Variants in C1orf74 observed in about 807,000 individuals in gnomAD.
C1orf74 encodes the protein chromosome 1 open reading frame 74.
C1orf74 carries 5 observed loss-of-function variants against 7.3 expected under a neutral mutation model. The ratio of observed to expected loss-of-function variants is 0.68; its 90% CI spans 0.36 to 1.44. The LOEUF (loss-of-function observed/expected upper bound fraction) is 1.44. Among genes scored for constraint, C1orf74 ranks in the 40% most tolerant of loss-of-function variants. C1orf74 has a pLI of 0.04. For missense variants in C1orf74, 291 were observed against 314.3 expected (o/e 0.93, Z 0.56); for synonymous variants, 121 against 132.5 (o/e 0.91, Z 0.59).
chr1:209,781,194 A>G lies in C1orf74; in HGVS notation c.*1631T>C. ...ACATTCCAGACAATGTAAGACAGTC[A>G]AAAGACAAACTCAAATCCCTGAGAA... On this transcript the variant is annotated 3_prime_UTR_variant, in exon 2 of 2. Coordinates refer to ENST00000294811, the MANE Select transcript of C1orf74 (RefSeq NM_152485.4). The G allele has an allele frequency of 1.8e-6, 1 of 546,442 alleles. No individual in the cohort carries two copies. The highest frequency in any genetic ancestry group is 3.4e-6 in the Non-Finnish European group (1 of 297,606). The allele number at this position is 546,442 out of a possible 1,614,324, so 33.8% of individuals were successfully genotyped here.
At position 209,782,997 on chromosome 1, in the gene C1orf74, T is replaced by TG; in HGVS notation, c.637dup (p.Gln213ProfsTer10). 6.2e-7 allele frequency: 1 copy of TG among 1,614,194 alleles called. No homozygotes were observed. Among genetic ancestry groups the TG allele is most frequent in the Non-Finnish European group, 8.5e-7 (1 of 1,180,032 alleles). ...AAAAGAATAGAGCAGGATTGGGGGT[T>TG]GACCTAGCAACCATGAGATCCGGGC... On this transcript the variant is annotated frameshift_variant, in exon 2 of 2. Coordinates refer to ENST00000294811, the MANE Select transcript of C1orf74 (RefSeq NM_152485.4). LOFTEE classifies it high-confidence loss of function.
rs2077813877 is a variant in C1orf74, at chr1:209,783,715, A to G, written c.-75-6T>C. On this transcript the variant is annotated splice_region_variant and splice_polypyrimidine_tract_variant and intron_variant, in intron 1 of 1. Coordinates refer to ENST00000294811, the MANE Select transcript of C1orf74 (RefSeq NM_152485.4). ...CCAGACACTTGAGGAGGGGCCTAGA[A>G]ACAAAGCAGGAGCAGGGAATTATTA... 2.6e-6 allele frequency: 3 copies of G among 1,175,486 alleles called. No homozygotes were observed. Among genetic ancestry groups the G allele is most frequent in the South Asian group, 3.0e-5 (2 of 66,856 alleles). The allele number at this position is 1,175,486 out of a possible 1,614,324, so 72.8% of individuals were successfully genotyped here.
chr1:209,781,308 G>T lies in C1orf74; in HGVS notation c.*1517C>A. ...CCCTGCCTGGGCTCTGTCCTAGACAGAAGTGACAGTGATGACTTTGGTGAT... is the reference window on the plus strand; with the variant it reads ...CCCTGCCTGGGCTCTGTCCTAGACATAAGTGACAGTGATGACTTTGGTGAT... On this transcript the variant is annotated 3_prime_UTR_variant, in exon 2 of 2. Coordinates refer to ENST00000294811, the MANE Select transcript of C1orf74 (RefSeq NM_152485.4). 1 of 1,466,806 alleles carries T rather than the reference G, an allele frequency of 6.8e-7. No homozygotes were observed. The highest frequency in any genetic ancestry group is 9.5e-7 in the Non-Finnish European group (1 of 1,048,438). 90.9% of individuals were successfully genotyped at this position (1,466,806 alleles called of 1,614,324 possible).
Position 209,779,356 on chromosome 1 carries a change from A to C in C1orf74, c.*3469T>G. 1 of 1,614,154 alleles carries C rather than the reference A, an allele frequency of 6.2e-7. No homozygotes were observed. The highest frequency in any genetic ancestry group is 8.5e-7 in the Non-Finnish European group (1 of 1,179,954). On this transcript the variant is annotated 3_prime_UTR_variant, in exon 2 of 2. Coordinates refer to ENST00000294811, the MANE Select transcript of C1orf74 (RefSeq NM_152485.4). ...ATCCTTACAGCTTCAAGAACAGGAGAAACTCTTAACAAAGAAAGGTCAGCA... is the reference window on the plus strand; with the variant it reads ...ATCCTTACAGCTTCAAGAACAGGAGCAACTCTTAACAAAGAAAGGTCAGCA...
At position 209,780,464 on chromosome 1, in the gene C1orf74, T is replaced by C. The variant is rs376989756; in HGVS notation, c.*2361A>G. ...ACTGTCACCAAGAATCTGGCTGCTT[T>C]TTTAGATCAGGCTTTGCCCGTGTGG... On this transcript the variant is annotated 3_prime_UTR_variant, in exon 2 of 2. Coordinates refer to ENST00000294811, the MANE Select transcript of C1orf74 (RefSeq NM_152485.4). The C allele has an allele frequency of 2.8e-5, 44 of 1,549,894 alleles. No individual in the cohort carries two copies. The highest frequency in any genetic ancestry group is 3.8e-5 in the Non-Finnish European group (44 of 1,142,966).
At position 209,780,475 on chromosome 1, in the gene C1orf74, G is replaced by GC. The variant is rs755215848; in HGVS notation, c.*2349dup. 1.5e-5 allele frequency: 24 copies of GC among 1,580,914 alleles called. No individual in the cohort carries two copies. In the East Asian group the frequency reaches 5.6e-4, roughly 37 times the overall value. ...GAATCTGGCTGCTTTTTTAGATCAG[G>GC]CTTTGCCCGTGTGGAGTCCAAAGTC... On this transcript the variant is annotated 3_prime_UTR_variant, in exon 2 of 2. Coordinates refer to ENST00000294811, the MANE Select transcript of C1orf74 (RefSeq NM_152485.4).
rs1333228017 is a variant in C1orf74 at position 209,781,679 on chromosome 1, A to C, written c.*1146T>G. 3.9e-6 allele frequency: 2 copies of C among 507,360 alleles called. No homozygotes were observed. Among genetic ancestry groups the C allele is most frequent in the African/African-American group, 3.8e-5 (2 of 51,986 alleles). The allele number at this position is 507,360 out of a possible 1,614,324, so 31.4% of individuals were successfully genotyped here. On this transcript the variant is annotated 3_prime_UTR_variant, in exon 2 of 2. Coordinates refer to ENST00000294811, the MANE Select transcript of C1orf74 (RefSeq NM_152485.4). ...AGAACTCTCAATGCCAGAAGGAAAG[A>C]CTTACTCTTAGCTAAAGTATGAAAG...
chr1:209,783,760 G>T, intron 1 of C1orf74, 51 bp from the exon 2 acceptor site: 1 of 782,548 alleles, frequency 1.3e-6, no homozygotes, highest in Non-Finnish European at 2.0e-6. Context: ...CTGTTAAATC[G>T]CGGTATCTTC....
Position 209,783,580 on chromosome 1 carries a change from C to A in C1orf74, c.55G>T (p.Ala19Ser). Residue 19 changes from alanine to serine, a missense_variant, in exon 2 of 2, where the codon GCT becomes TCT. Ala to Ser is a moderately conservative substitution (Grantham distance 99). Transcript: ENST00000294811. ...SPSPQLLVAAAQQTLGMGKRR... is the reference protein window; with the variant it reads ...SPSPQLLVAASQQTLGMGKRR... ...TTTCCCATGCCAAGGGTCTGCTGAG[C>A]AGCTGCCACCAGCAGCTGAGGGCTC... 2 of 1,611,552 alleles carry A rather than the reference C, an allele frequency of 1.2e-6. No homozygotes were observed. Among genetic ancestry groups the A allele is most frequent in the South Asian group, 1.1e-5 (1 of 90,824 alleles).
At position 209,781,257 on chromosome 1, in the gene C1orf74, G is replaced by GGCTGGGA; in HGVS notation, c.*1567_*1568insTCCCAGC. On this transcript the variant is annotated 3_prime_UTR_variant, in exon 2 of 2. Coordinates refer to ENST00000294811, the MANE Select transcript of C1orf74 (RefSeq NM_152485.4). ...GAAGATGGTGGTAAAAATTCCAAAT[G>GGCTGGGA]AGTGAAACTTACAAAGGGCAGTCTC... The GGCTGGGA allele has an allele frequency of 1.2e-6, 1 of 813,338 alleles. No individual in the cohort carries two copies. The highest frequency in any genetic ancestry group is 2.0e-6 in the Non-Finnish European group (1 of 490,100). The allele number at this position is 813,338 out of a possible 1,614,324, so 50.4% of individuals were successfully genotyped here. A position where few individuals can be genotyped will look rare whatever the true frequency, so the allele number is the denominator to read the frequency against.
rs1406788542 is a variant in C1orf74, at chr1:209,783,095, A to G, written c.540T>C (p.Pro180=). 2 of 1,614,108 alleles carry G rather than the reference A, an allele frequency of 1.2e-6. No homozygotes were observed. The highest frequency in any genetic ancestry group is 1.7e-5 in the Admixed American group (1 of 60,004). ...GGTTCAGGTGAAAGGTATAGGGAAC[A>G]GGATAGCCCAGGAGGATCCCAAATA... ...CTVFGILLGY[P]VPYTFHLNQG... is the part of the protein sequence containing the mutation. The change falls in exon 2 of 2, where the codon CCT becomes CCC. Residue 180 remains proline (P), a synonymous_variant. Transcript: ENST00000294811.
At position 209,781,408 on chromosome 1, in the gene C1orf74, C is replaced by G. The variant is rs576975985; in HGVS notation, c.*1417G>C. The G allele has an allele frequency of 6.8e-6, 11 of 1,613,808 alleles. No individual in the cohort carries two copies. In the South Asian group the frequency reaches 8.8e-5, roughly 13 times the overall value. On this transcript the variant is annotated 3_prime_UTR_variant, in exon 2 of 2. Transcript: ENST00000294811. ...CGAGTATCTCTCCTGCCTGCGTAAGCTGCAGCACTGTCGAGAAGAGCTGAA... is the reference window on the plus strand; with the variant it reads ...CGAGTATCTCTCCTGCCTGCGTAAGGTGCAGCACTGTCGAGAAGAGCTGAA...
rs1558034104 is a variant in C1orf74 at position 209,781,398 on chromosome 1, C to A, written c.*1427G>T. The A allele has an allele frequency of 1.2e-6, 2 of 1,613,742 alleles. No individual in the cohort carries two copies. Among genetic ancestry groups the A allele is most frequent in the Admixed American group, 1.7e-5 (1 of 60,016 alleles). ...ACCTCAGTGACGAGTATCTCTCCTG[C>A]CTGCGTAAGCTGCAGCACTGTCGAG... On this transcript the variant is annotated 3_prime_UTR_variant, in exon 2 of 2. Transcript: ENST00000294811.
In C1orf74 at chr1:209,781,818, T is replaced by G. The variant is rs2077787096; in HGVS notation, c.*1007A>C. 1.8e-6 allele frequency: 1 copy of G among 543,616 alleles called. No homozygotes were observed. Among genetic ancestry groups the G allele is most frequent in the Non-Finnish European group, 3.3e-6 (1 of 304,104 alleles). The allele number at this position is 543,616 out of a possible 1,614,324, so 33.7% of individuals were successfully genotyped here. On this transcript the variant is annotated 3_prime_UTR_variant, in exon 2 of 2. Coordinates refer to ENST00000294811, the MANE Select transcript of C1orf74 (RefSeq NM_152485.4). ...TGGGTTATTTTCCACCCTTCATTAT[T>G]CATATCAGTATTTATATATCTGGTC...
At position 209,782,975 on chromosome 1, in the gene C1orf74, A is replaced by G. The variant is rs748959163; in HGVS notation, c.660T>C (p.Ser220=). The G allele has an allele frequency of 1.9e-6, 3 of 1,614,222 alleles. No individual in the cohort carries two copies. The highest frequency in any genetic ancestry group is 2.5e-6 in the Non-Finnish European group (3 of 1,180,038). The change falls in exon 2 of 2, where the codon TCT becomes TCC. Residue 220 remains serine (S), a synonymous_variant. Coordinates refer to ENST00000294811, the MANE Select transcript of C1orf74 (RefSeq NM_152485.4). ...LLGQPPILLY[S]FSVPESLFPG... is the part of the protein sequence containing the mutation. ...GGAACAAACTCTCTGGGACACTAAA[A>G]GAATAGAGCAGGATTGGGGGTTGAC...
chr1:209,779,328 T>C lies in C1orf74; in HGVS notation c.*3497A>G, dbSNP rs767625076. ...GTTTTCCAACAGGTTTGCTTCAAAA[T>C]CAATCCTTACAGCTTCAAGAACAGG... On this transcript the variant is annotated 3_prime_UTR_variant, in exon 2 of 2. Coordinates refer to ENST00000294811, the MANE Select transcript of C1orf74 (RefSeq NM_152485.4). 1 of 1,614,016 alleles carries C rather than the reference T, an allele frequency of 6.2e-7. No homozygotes were observed. Among genetic ancestry groups the C allele is most frequent in the African/African-American group, 1.3e-5 (1 of 74,934 alleles).
rs1170669575 is a variant in C1orf74 at position 209,781,508 on chromosome 1, T to C, written c.*1317A>G. The C allele has an allele frequency of 6.5e-6, 9 of 1,378,576 alleles. No individual in the cohort carries two copies. Among genetic ancestry groups the C allele is most frequent in the Non-Finnish European group, 9.3e-6 (9 of 969,682 alleles). 85.4% of individuals were successfully genotyped at this position (1,378,576 alleles called of 1,614,324 possible). A position where few individuals can be genotyped will look rare whatever the true frequency, so the allele number is the denominator to read the frequency against. On this transcript the variant is annotated 3_prime_UTR_variant, in exon 2 of 2. Transcript: ENST00000294811. ...AAGCCCTGGATGATGGGACGATTCC[T>C]TCTTTAACCAAGTTTTGCACATAAA...
In C1orf74 at chr1:209,779,388, T is replaced by C. The variant is rs914317321; in HGVS notation, c.*3437A>G. Reference sequence around the variant, plus strand: ...TAACAAAGAAAGGTCAGCAAATTTATTACCACAAATTCTAAGATATTGCTC... The same window carrying C: ...TAACAAAGAAAGGTCAGCAAATTTACTACCACAAATTCTAAGATATTGCTC... On this transcript the variant is annotated 3_prime_UTR_variant, in exon 2 of 2. Coordinates refer to ENST00000294811, the MANE Select transcript of C1orf74 (RefSeq NM_152485.4). The C allele has an allele frequency of 5.6e-6, 9 of 1,608,798 alleles. No individual in the cohort carries two copies. In the South Asian group the frequency reaches 8.8e-5, roughly 16 times the overall value.
chr1:209,781,282 C>T lies in C1orf74; in HGVS notation c.*1543G>A. 1 of 1,136,874 alleles carries T rather than the reference C, an allele frequency of 8.8e-7. No homozygotes were observed. Among genetic ancestry groups the T allele is most frequent in the Non-Finnish European group, 1.3e-6 (1 of 759,036 alleles). The allele number at this position is 1,136,874 out of a possible 1,614,324, so 70.4% of individuals were successfully genotyped here. A position where few individuals can be genotyped will look rare whatever the true frequency, so the allele number is the denominator to read the frequency against. On this transcript the variant is annotated 3_prime_UTR_variant, in exon 2 of 2. Transcript: ENST00000294811. ...GAGTGAAACTTACAAAGGGCAGTCTCCCCTGCCTGGGCTCTGTCCTAGACA... is the reference window on the plus strand; with the variant it reads ...GAGTGAAACTTACAAAGGGCAGTCTTCCCTGCCTGGGCTCTGTCCTAGACA...
Sources: allele counts gnomAD v4.1 joint callset, GRCh38; gene constraint gnomAD v4.1.1; transcripts MANE v1.5; gene names NCBI Gene and HGNC (gene_info 2026-07-23, HGNC 2026-07-21).